Variants in TSNARE1 observed in about 807,000 individuals in gnomAD.
The protein encoded by TSNARE1 is t-SNARE domain-containing protein 1.
A neutral mutation model predicts 62.0 loss-of-function variants in TSNARE1; 49 were observed. The observed-to-expected ratio is 0.79, with a 90% CI of 0.63 to 1.00. TSNARE1 has a LOEUF of 1.00. TSNARE1 is among the 50% of genes least tolerant of loss of function. TSNARE1 has a pLI of 0.00. For missense variants in TSNARE1, 755 were observed against 700.1 expected (o/e 1.08, Z -0.88); for synonymous variants, 328 against 294.4 (o/e 1.11, Z -1.17).
intron 1 of TSNARE1, among the ~76,000 whole-genome samples, chr8:142,359,735 C>G (rs1376729728): frequency 6.6e-6 from 1 of 152,138 alleles, no homozygotes; most frequent in Non-Finnish European, 1.5e-5. Flanking sequence ...ATCCTCACGA[C>G]ACTTGTGAGG....
Position 142,355,124 on chromosome 8 carries a change from G to A in TSNARE1, c.-39-361C>T, listed in dbSNP as rs539806523. ...TGGCTTCTGGGAGCGCTGGGCCCCCGCCATGCAGGCAGGGCAGCATCCACT... is the reference window on the plus strand; with the variant it reads ...TGGCTTCTGGGAGCGCTGGGCCCCCACCATGCAGGCAGGGCAGCATCCACT... On this transcript the variant is annotated intron_variant, in intron 1 of 13. Coordinates refer to ENST00000524325, the MANE Select transcript of TSNARE1 (RefSeq NM_145003.5). 8.5e-5 allele frequency among the ~76,000 whole-genome samples: 13 copies of A among 152,296 alleles called. 1 individual carries two copies. The South Asian group carries it at 1.2e-3, about 15-fold the overall frequency.
chr8:142,363,792 G>A (rs375984504), intron 1 of TSNARE1, among the ~76,000 whole-genome samples: 32 of 152,238 alleles, frequency 2.1e-4, no homozygotes, highest in African/African-American at 7.2e-4. Context: ...GAAGTCAACC[G>A]ACCCAGAGAT....
In TSNARE1 at chr8:142,344,396, C is replaced by T. The variant is rs751483008; in HGVS notation, c.315G>A (p.Ser105=). 2.0e-5 allele frequency: 31 copies of T among 1,585,444 alleles called. No homozygotes were observed. The highest frequency in any genetic ancestry group is 1.6e-4 in the East Asian group (7 of 43,756). ...SSPTIGPRKD[S]AAGPHGRMAG... ...CCATCCGGCCATGGGGCCCAGCAGC[C>T]GAGTCCTTCCTCGGGCCAATGGTGG... Residue 105 remains serine, a synonymous_variant, in exon 4 of 14, where the codon TCG becomes TCA. Coordinates refer to ENST00000524325, the MANE Select transcript of TSNARE1 (RefSeq NM_145003.5).
At chr8:142,273,374 C>G in intron 12 of TSNARE1, 1 of 985,418 alleles carries the variant, frequency 1.0e-6, no homozygotes, top group Non-Finnish European at 1.2e-6. Flanking sequence ...TTGCCCGTCA[C>G]CAGGCGTCAC....
intron 12 of TSNARE1, among the ~76,000 whole-genome samples, chr8:142,253,318 G>A (rs527484310): frequency 2.6e-5 from 4 of 152,340 alleles, no homozygotes; most frequent in African/African-American, 9.6e-5. Flanking sequence ...CAGCGTGCGT[G>A]CCGCGTCTGC....
intron 12 of TSNARE1, among the ~76,000 whole-genome samples, chr8:142,260,293 A>G (rs1293921040): frequency 6.6e-6 from 1 of 152,136 alleles, no homozygotes; most frequent in Non-Finnish European, 1.5e-5. Flanking sequence ...AGAGCCACAG[A>G]AGCACAACTG....
intron 6 of TSNARE1, among the ~76,000 whole-genome samples, chr8:142,328,616 C>T (rs1000307335): frequency 9.9e-5 from 15 of 152,218 alleles, no homozygotes; most frequent in African/African-American, 3.6e-4. Context: ...TTCTTTTCGG[C>T]ATCAAGGAAT....
In TSNARE1 at chr8:142,367,685, G is replaced by C. The variant is rs79074199; in HGVS notation, c.-39-12922C>G. Among the ~76,000 whole-genome samples the C allele has an allele frequency of 2.2e-3, 336 of 152,318 alleles. 6 individuals are homozygous for C. In the East Asian group the frequency reaches 0.057, roughly 26 times the overall value. On this transcript the variant is annotated intron_variant, in intron 1 of 13. Transcript: ENST00000524325. Reference sequence around the variant, plus strand: ...CAAAACGGTGAACTTTAGGATATGTGAATTACAATGCTATTATAAAAATGC... The same window carrying C: ...CAAAACGGTGAACTTTAGGATATGTCAATTACAATGCTATTATAAAAATGC...
intron 7 of TSNARE1, among the ~76,000 whole-genome samples, chr8:142,316,323 TGAG>T (rs1828522361): frequency 6.6e-6 from 1 of 151,686 alleles, no homozygotes; most frequent in Non-Finnish European, 1.5e-5. Flanking sequence ...GCCATGGCTA[TGAG>T]GAGTGACCCA....
At chr8:142,345,662 T>A in intron 3 of TSNARE1, 81 bp downstream of exon 3, 1 of 1,436,160 alleles carries the variant, frequency 7.0e-7, no homozygotes, top group Non-Finnish European at 9.2e-7. Flanking sequence ...AGCTCCCACC[T>A]GCTGACCCTG....
intron 4 of TSNARE1, among the ~76,000 whole-genome samples, chr8:142,343,174 C>A (rs1832821330): frequency 6.6e-6 from 1 of 152,224 alleles, no homozygotes; most frequent in Admixed American, 6.5e-5. Flanking sequence ...CACTGCAGCT[C>A]TGAGCAGATG....
At chr8:142,276,241 C>T in intron 11 of TSNARE1, 1 of 985,428 alleles carries the variant, frequency 1.0e-6, no homozygotes, top group East Asian at 1.1e-4. Context: ...AGCAAAGCAC[C>T]CCTTTGCTCA....
intron 1 of TSNARE1, 37 bp from the exon 2 acceptor site, chr8:142,354,800 A>C: frequency 2.4e-6 from 3 of 1,240,776 alleles, no homozygotes; most frequent in Non-Finnish European, 2.4e-6. Flanking sequence ...AAGAGGGGGA[A>C]GACATGGGGA....
upstream of TSNARE1, chr8:142,406,640 G>A (rs573210358): frequency 6.6e-6 from 1 of 152,410 alleles, no homozygotes; most frequent in Non-Finnish European, 1.5e-5. Context: ...GTCTTGCTGT[G>A]TGATGCTCAG....
chr8:142,252,023 G>A (rs908355034), intron 12 of TSNARE1, among the ~76,000 whole-genome samples: 2 of 135,664 alleles, frequency 1.5e-5, no homozygotes, highest in East Asian at 4.5e-4. Flanking sequence ...GCAGGGCCCG[G>A]GCACCATGTA....
chr8:142,280,281 G>A (rs767669249), intron 11 of TSNARE1: 30 of 985,316 alleles, frequency 3.0e-5, no homozygotes, highest in South Asian at 4.7e-5. Context: ...CGGCCGGCTC[G>A]GGGCTGCAGC....
intron 12 of TSNARE1, among the ~76,000 whole-genome samples, chr8:142,262,106 A>G (rs1818923510): frequency 6.6e-6 from 1 of 152,226 alleles, no homozygotes; most frequent in East Asian, 1.9e-4. Context: ...AGTCCCCTTC[A>G]GGCCTGCGGC....
intron 12 of TSNARE1, chr8:142,273,993 C>T (rs1452605616): frequency 1.1e-5 from 11 of 985,142 alleles, no homozygotes; most frequent in South Asian, 4.7e-5. Flanking sequence ...GCCCCTGCTC[C>T]GCCCTCAAGA....
chr8:142,352,673 C>T (rs937168902), intron 2 of TSNARE1, among the ~76,000 whole-genome samples: 8 of 152,270 alleles, frequency 5.3e-5, no homozygotes, highest in South Asian at 2.1e-4. Flanking sequence ...CAGCACGACA[C>T]GGAGCAACGC....
Sources: gnomAD v4.1 joint callset for allele counts (sites outside exome capture counted in the v4.1 genomes callset) on GRCh38, gnomAD v4.1.1 for gene constraint, MANE v1.5 for transcripts, NCBI Gene and HGNC (gene_info 2026-07-23, HGNC 2026-07-21) for gene names.